The following KIF26B variants were observed in gnomAD, a reference collection of about 807,000 sequenced individuals.
KIF26B encodes kinesin family member 26B.
A neutral mutation model predicts 151.2 loss-of-function variants in KIF26B; 63 were observed. That is an observed-to-expected ratio of 0.42 (90% confidence interval 0.34 to 0.51). The LOEUF (loss-of-function observed/expected upper bound fraction) is 0.51. Among genes scored for constraint, KIF26B ranks in the 20% least tolerant of loss-of-function variants. The pLI, the probability that KIF26B is intolerant of heterozygous loss-of-function variation, is 0.07. For missense variants in KIF26B, 2,813 were observed against 2,913.6 expected (o/e 0.97, Z 0.79); for synonymous variants, 1,357 against 1,262.1 (o/e 1.08, Z -1.59).
rs900361465 is a variant in KIF26B, at chr1:245,707,241, G to A, written c.*4635G>A. On this transcript the variant is annotated 3_prime_UTR_variant, in exon 15 of 15. Coordinates refer to ENST00000407071, the MANE Select transcript of KIF26B (RefSeq NM_018012.4). ...TAACACTGGACACAGTGCGGCTTGG[G>A]GCAGTATCAAGCCTTCATTGCATAC... The A allele has an allele frequency of 1.3e-5, 2 of 152,126 alleles. No homozygotes were observed. Among genetic ancestry groups the A allele is most frequent in the Admixed American group, 6.5e-5 (1 of 15,276 alleles). The allele number at this position is 152,126 out of a possible 1,614,324, so 9.4% of individuals were successfully genotyped here. A position where few individuals can be genotyped will look rare whatever the true frequency, so the allele number is the denominator to read the frequency against.
At chr1:245,683,994 A>G (rs2044473606) in intron 10 of KIF26B, among the ~76,000 whole-genome samples, 1 of 152,200 alleles carries the variant, frequency 6.6e-6, no homozygotes, top group African/African-American at 2.4e-5. Context: ...CACAGCCAGG[A>G]CAGAAGCGCC....
chr1:245,566,348 G>C (rs2043010262), intron 5 of KIF26B, among the ~76,000 whole-genome samples: 1 of 152,208 alleles, frequency 6.6e-6, no homozygotes, highest in Admixed American at 6.5e-5. Context: ...GCTGCCAGGT[G>C]CTACCTTTCA....
intron 4 of KIF26B, among the ~76,000 whole-genome samples, chr1:245,533,870 C>T (rs1661433295): frequency 6.6e-6 from 1 of 152,074 alleles, no homozygotes; most frequent in Non-Finnish European, 1.5e-5. Context: ...CACTTAAAGC[C>T]ATTGAATCCA....
At chr1:245,498,565 G>A (rs1660556921) in intron 4 of KIF26B, among the ~76,000 whole-genome samples, 1 of 152,180 alleles carries the variant, frequency 6.6e-6, no homozygotes, top group Non-Finnish European at 1.5e-5. Context: ...TCCAAGCTGT[G>A]TCAGAGGGCA....
At chr1:245,258,346 T>C (rs1291160686) in intron 2 of KIF26B, among the ~76,000 whole-genome samples, 12 of 152,122 alleles carry the variant, frequency 7.9e-5, no homozygotes, top group Admixed American at 7.2e-4. Flanking sequence ...CCCCGTGAGA[T>C]GTGAACTTCA....
At chr1:245,353,547 A>C (rs1261358903) in intron 2 of KIF26B, 4 of 152,426 alleles carry the variant, frequency 2.6e-5, no homozygotes, top group Non-Finnish European at 5.9e-5. Flanking sequence ...GTCATGATTC[A>C]TGAGGTGGGG....
chr1:245,508,037 T>G lies in KIF26B; in HGVS notation c.1167-32730T>G, dbSNP rs571944589. On this transcript the variant is annotated intron_variant, in intron 4 of 14. Transcript: ENST00000407071. ...CTCGTTCAGGAAGTTAGTAGCTGTGTGACCAAGAGCAAGTCGTTCAGCTTT... is the reference window on the plus strand; with the variant it reads ...CTCGTTCAGGAAGTTAGTAGCTGTGGGACCAAGAGCAAGTCGTTCAGCTTT... 5.5e-3 allele frequency among the ~76,000 whole-genome samples: 839 copies of G among 152,290 alleles called. 8 individuals carry two copies. The highest frequency in any genetic ancestry group is 1.0e-2 in the South Asian group (48 of 4,820).
chr1:245,411,676 G>A (rs1674287817), intron 3 of KIF26B, among the ~76,000 whole-genome samples: 1 of 152,182 alleles, frequency 6.6e-6, no homozygotes, highest in South Asian at 2.1e-4. Context: ...GCTCCTTAGA[G>A]GGAGCCTGTT....
At chr1:245,307,921 T>C (rs1396275554) in intron 2 of KIF26B, among the ~76,000 whole-genome samples, 1 of 152,162 alleles carries the variant, frequency 6.6e-6, no homozygotes, top group African/African-American at 2.4e-5. Flanking sequence ...TTTGTATTTT[T>C]AGTGGAGACG....
At chr1:245,407,084 G>A (rs934700808) in intron 3 of KIF26B, among the ~76,000 whole-genome samples, 3 of 152,114 alleles carry the variant, frequency 2.0e-5, no homozygotes, top group South Asian at 2.1e-4. Context: ...CACTGTGCCC[G>A]GCCCAGGTCT....
intron 3 of KIF26B, among the ~76,000 whole-genome samples, chr1:245,406,980 G>T (rs955105366): frequency 7.2e-5 from 11 of 152,042 alleles, no homozygotes; most frequent in Non-Finnish European, 1.3e-4. Context: ...TAGAGACAAG[G>T]TTTTACCATG....
At chr1:245,429,360 G>A (rs1030546680) in intron 4 of KIF26B, among the ~76,000 whole-genome samples, 2 of 152,094 alleles carry the variant, frequency 1.3e-5, no homozygotes, top group Non-Finnish European at 2.9e-5. Context: ...TCTGTCTAAC[G>A]ACTGTCCAGG....
chr1:245,276,914 T>C (rs1297920923), intron 2 of KIF26B, among the ~76,000 whole-genome samples: 1 of 152,136 alleles, frequency 6.6e-6, no homozygotes, highest in African/African-American at 2.4e-5. Flanking sequence ...AAGGTAAGGA[T>C]CTTGAGATGA....
chr1:245,539,499 A>G (rs749579392), intron 4 of KIF26B, among the ~76,000 whole-genome samples: 2 of 152,222 alleles, frequency 1.3e-5, no homozygotes, highest in Non-Finnish European at 2.9e-5. Flanking sequence ...CAAACATTTG[A>G]TGAGGAAATT....
intron 4 of KIF26B, among the ~76,000 whole-genome samples, chr1:245,434,675 T>A (rs1036918602): frequency 2.6e-5 from 4 of 152,094 alleles, no homozygotes; most frequent in African/African-American, 9.7e-5. Context: ...CAGGTAAGAC[T>A]GGCAGGAGTT....
intron 2 of KIF26B, among the ~76,000 whole-genome samples, chr1:245,178,972 GT>G (rs59250555): frequency 0.18 from 27,211 of 149,520 alleles, 3,625 homozygotes; most frequent in East Asian, 0.39. Flanking sequence ...TCTTAACCAT[GT>G]TTTTTTTTTT....
rs1228130972 is a variant in KIF26B, at chr1:245,686,563, G to A, written c.3580G>A (p.Glu1194Lys). ...GEDELVFTLV[E>K]ELTISGVLDS... ...GGACGAGCTGGTGTTCACGCTGGTG[G>A]AGGAGCTGACCATCAGCGGGGTCCT... The change falls in exon 12 of 15, where the codon GAG (glutamate) becomes AAG (lysine). Residue 1194 changes from glutamate to lysine, a missense_variant. By Grantham distance (56) the Glu-to-Lys change is moderately conservative. Around this residue, in one of 3 missense-constraint regions of KIF26B, gnomAD observed 2,060 missense variants for 2,088.6 expected, o/e 0.99. Transcript: ENST00000407071. This position sits in a 1 kb window ranked among gnomAD's most constrained non-coding sequence, Gnocchi z 5.6. 6.2e-7 allele frequency: 1 copy of A among 1,612,994 alleles called. No individual in the cohort carries two copies. The highest frequency in any genetic ancestry group is 8.5e-7 in the Non-Finnish European group (1 of 1,179,780).
At chr1:245,658,478 A>C (rs1054063321) in intron 10 of KIF26B, among the ~76,000 whole-genome samples, 1 of 151,998 alleles carries the variant, frequency 6.6e-6, no homozygotes, top group African/African-American at 2.4e-5. Context: ...GGCTCGCTGC[A>C]CTCCCAGGCT....
Position 245,296,513 on chromosome 1 carries a change from C to G in KIF26B, c.466-70321C>G, listed in dbSNP as rs113896017. Among the ~76,000 whole-genome samples, 911 of 152,276 alleles carry G rather than the reference C, an allele frequency of 6.0e-3. 10 individuals carry two copies. Among genetic ancestry groups the G allele is most frequent in the African/African-American group, 0.021 (862 of 41,546 alleles). ...TGCTGGAAGTGGGTTTGGAGCCGCA[C>G]AGTGTGCACCAAGGTCAGTCCTGGG... On this transcript the variant is annotated intron_variant, in intron 2 of 14. Coordinates refer to ENST00000407071, the MANE Select transcript of KIF26B (RefSeq NM_018012.4).
Sources: allele counts gnomAD v4.1 joint callset (sites outside exome capture counted in the v4.1 genomes callset), GRCh38; gene constraint gnomAD v4.1.1; regional missense constraint gnomAD v4.1.1; non-coding constraint Gnocchi (gnomAD v3.1); transcripts MANE v1.5; gene names NCBI Gene and HGNC (gene_info 2026-07-23, HGNC 2026-07-21).